Variants in SERPINA12 observed in about 807,000 individuals in gnomAD.
SERPINA12 encodes the protein serpin A12.
A neutral mutation model predicts 25.9 loss-of-function variants in SERPINA12; 21 were observed. That is an observed-to-expected ratio of 0.81 (90% confidence interval 0.58 to 1.17). SERPINA12 has a LOEUF of 1.17. Among genes scored for constraint, SERPINA12 ranks in the 50% most tolerant of loss-of-function variants. The probability of loss-of-function intolerance (pLI) is 0.00; values close to 1 mark genes in which losing one functional copy is unlikely to be tolerated. For synonymous variants in SERPINA12, 220 were observed against 196.0 expected, an observed-to-expected ratio of 1.12 and a Z score of -1.02; for missense variants, 562 against 508.3, an observed-to-expected ratio of 1.11 and a Z score of -1.02.
chr14:94,496,027 C>G lies in SERPINA12; in HGVS notation c.905+346G>C, dbSNP rs188252145. On this transcript the variant is annotated intron_variant, in intron 3 of 4. Coordinates refer to ENST00000677451, the MANE Select transcript of SERPINA12 (RefSeq NM_001382267.1). ...CAACTCACAGCTCTCTTTTACAGCC[C>G]GTGTTTGTCCTTGCAGTTTCCTTTG... Among the ~76,000 whole-genome samples the G allele has an allele frequency of 2.2e-3, 329 of 152,278 alleles. 2 individuals carry two copies. Among genetic ancestry groups the G allele is most frequent in the African/African-American group, 7.7e-3 (320 of 41,544 alleles).
chr14:94,498,386 T>C lies in SERPINA12; in HGVS notation c.12A>G (p.Thr4=). 1 of 1,613,022 alleles carries C rather than the reference T, an allele frequency of 6.2e-7. No individual in the cohort carries two copies. The highest frequency in any genetic ancestry group is 8.5e-7 in the Non-Finnish European group (1 of 1,179,480). MNP[T]LGLAIFLAVL... ...CAGCCAGAAAAATGGCCAGGCCTAG[T>C]GTGGGGTTCATTTTCCTTGAAGAAT... The change falls in exon 2 of 5, where the codon ACA becomes ACG. Residue 4 remains threonine (T), a synonymous_variant. Transcript: ENST00000677451.
At chr14:94,488,456 A>G (rs1359071706) in intron 4 of SERPINA12, among the ~76,000 whole-genome samples, 1 of 151,738 alleles carries the variant, frequency 6.6e-6, no homozygotes, top group African/African-American at 2.4e-5. Context: ...GCTTGTTGAA[A>G]TCTTTCCCCT....
intron 2 of SERPINA12, chr14:94,515,746 T>C (rs1901217060): frequency 1.3e-5 from 2 of 151,862 alleles, no homozygotes; most frequent in Admixed American, 1.3e-4. Context: ...ATGTGGGTCA[T>C]TTCAGGGCAG....
At chr14:94,512,752 G>C (rs1320173531), upstream of SERPINA12, among the ~76,000 whole-genome samples, 1 of 152,184 alleles carries the variant, frequency 6.6e-6, no homozygotes, top group African/African-American at 2.4e-5. Context: ...GGAGGAATTT[G>C]GATGGGTAGT....
At chr14:94,514,695 A>G (rs1448671929) in intron 2 of SERPINA12, among the ~76,000 whole-genome samples, 4 of 152,182 alleles carry the variant, frequency 2.6e-5, no homozygotes, top group African/African-American at 9.6e-5. Context: ...GCCATGTCCC[A>G]GATCTAAGGA....
intron 2 of SERPINA12, 77 bp from the exon 3 acceptor site, chr14:94,496,720 C>T (rs1415737787): frequency 2.5e-6 from 3 of 1,213,196 alleles, no homozygotes; most frequent in South Asian, 2.6e-5. Context: ...CCAGTAGTCT[C>T]TCTCCACACA....
rs547707875 is a variant in SERPINA12 at position 94,491,753 on chromosome 14, G to A, written c.906-1986C>T. Among the ~76,000 whole-genome samples the A allele has an allele frequency of 7.2e-5, 11 of 152,266 alleles. No individual in the cohort carries two copies. In the East Asian group the frequency reaches 1.2e-3, roughly 16 times the overall value. The stretch of plus-strand genomic sequence containing the variant: ...TGATTGAGATGGGCAGGCTTGGGGA[G>A]GTTCTCTGGGGACAGATCAGGAAGT... On this transcript the variant is annotated intron_variant, in intron 3 of 4. Coordinates refer to ENST00000677451, the MANE Select transcript of SERPINA12 (RefSeq NM_001382267.1).
At chr14:94,497,182 T>C (rs963849387) in intron 2 of SERPINA12, among the ~76,000 whole-genome samples, 2 of 152,236 alleles carry the variant, frequency 1.3e-5, no homozygotes, top group Admixed American at 6.5e-5. Flanking sequence ...AAGTTGAAAT[T>C]GGAAACATTC....
At chr14:94,487,554 G>A (rs1899957917) in intron 4 of SERPINA12, 60 bp from the exon 5 acceptor site, 2 of 1,448,238 alleles carry the variant, frequency 1.4e-6, no homozygotes, top group South Asian at 1.3e-5. Flanking sequence ...ACAGTGGGCC[G>A]GAGGCCCAGA....
chr14:94,501,053 T>C, intron 1 of SERPINA12: 1 of 985,414 alleles, frequency 1.0e-6, no homozygotes, highest in South Asian at 4.7e-5. Context: ...CAGCTGGTGA[T>C]GAACAAGGGC....
intron 1 of SERPINA12, chr14:94,501,220 T>C (rs748334087): frequency 1.1e-4 from 104 of 964,482 alleles, no homozygotes; most frequent in Non-Finnish European, 1.3e-4. Context: ...AAGCTTCTGC[T>C]ATTCAGAGTG....
Position 94,496,634 on chromosome 14 carries a change from T to A in SERPINA12, c.644A>T (p.Lys215Ile). The A allele has an allele frequency of 6.2e-7, 1 of 1,613,980 alleles. No individual in the cohort carries two copies. Among genetic ancestry groups the A allele is most frequent in the East Asian group, 2.2e-5 (1 of 44,886 alleles). ...AGTTACATTTGGATCAAACTCATGT[T>A]TCCACCTGGCTTAGATTGAAGAAAG... The part of the protein sequence containing the change: ...ANYIFFRARW[K>I]HEFDPNVTKE... The change falls in exon 3 of 5, where the codon AAA (lysine) becomes ATA (isoleucine). Residue 215 changes from lysine to isoleucine, a missense_variant. Transcript: ENST00000677451.
intron 1 of SERPINA12, among the ~76,000 whole-genome samples, chr14:94,506,760 T>A (rs987324422): frequency 4.6e-5 from 7 of 152,250 alleles, no homozygotes; most frequent in Non-Finnish European, 1.0e-4. Context: ...AGTTAGTTGA[T>A]GCAGGATAAA....
intron 4 of SERPINA12, among the ~76,000 whole-genome samples, chr14:94,488,676 G>A (rs1032328619): frequency 6.6e-6 from 1 of 152,158 alleles, no homozygotes; most frequent in Admixed American, 6.5e-5. Flanking sequence ...GCTAAATCCG[G>A]TGACTCTACC....
At chr14:94,496,704 A>G in intron 2 of SERPINA12, 61 bp from the exon 3 acceptor site, 3 of 1,397,834 alleles carry the variant, frequency 2.1e-6, no homozygotes, top group Non-Finnish European at 3.0e-6. Context: ...GACTAAATCC[A>G]ACTAACCAGT....
intron 1 of SERPINA12, among the ~76,000 whole-genome samples, chr14:94,499,102 T>C (rs1900599527): frequency 6.6e-6 from 1 of 152,170 alleles, no homozygotes; most frequent in Admixed American, 6.5e-5. Flanking sequence ...AGTTGGCTGG[T>C]TTGAGGTAAA....
chr14:94,497,793 A>G lies in SERPINA12; in HGVS notation c.605T>C (p.Met202Thr). ...AAAGAAAATATAATTTGCAAGAAGC[A>G]TCACAGTGCCGGGGTCTATATTCTC... ...LIENIDPGTV[M>T]LLANYIFFRA... The change falls in exon 2 of 5, where the codon ATG (methionine) becomes ACG (threonine). Residue 202 changes from methionine to threonine, a missense_variant. Met to Thr is a moderately conservative substitution (Grantham distance 81, BLOSUM62 -1). Transcript: ENST00000677451. 6.2e-7 allele frequency: 1 copy of G among 1,608,292 alleles called. No individual in the cohort carries two copies. Among genetic ancestry groups the G allele is most frequent in the Middle Eastern group, 1.7e-4 (1 of 6,018 alleles).
At chr14:94,502,587 C>G (rs1486690552) in intron 1 of SERPINA12, among the ~76,000 whole-genome samples, 1 of 152,216 alleles carries the variant, frequency 6.6e-6, no homozygotes, top group African/African-American at 2.4e-5. Flanking sequence ...TGGTTTGGAA[C>G]CACAGTTTTC....
intron 1 of SERPINA12, among the ~76,000 whole-genome samples, chr14:94,500,018 G>C (rs1900644103): frequency 6.6e-6 from 1 of 152,148 alleles, no homozygotes; most frequent in South Asian, 2.1e-4. Flanking sequence ...CCACCAACGG[G>C]GTCTGCACAG....
Sources: allele counts gnomAD v4.1 joint callset (sites outside exome capture counted in the v4.1 genomes callset), GRCh38; gene constraint gnomAD v4.1.1; transcripts MANE v1.5; gene names NCBI Gene and HGNC (gene_info 2026-07-23, HGNC 2026-07-21).